Variants in BSN observed in about 807,000 individuals in gnomAD.
BSN encodes protein bassoon.
BSN carries 57 observed loss-of-function variants against 264.8 expected under a neutral mutation model. That is an observed-to-expected ratio of 0.22 (90% CI 0.17 to 0.27). The LOEUF (loss-of-function observed/expected upper bound fraction) is 0.27, where lower values mean the gene tolerates loss of function less well. Among genes scored for constraint, BSN ranks in the 10% least tolerant of loss-of-function variants. The pLI is 1.00. For missense variants in BSN, 4,615 were observed against 5,232.5 expected, an observed-to-expected ratio of 0.88 and a Z score of 3.64; for synonymous variants, 2,059 against 2,137.3, an observed-to-expected ratio of 0.96 and a Z score of 1.01.
intron 10 of BSN, 58 bp downstream of exon 10, chr3:49,664,911 TG>T: frequency 1.1e-5 from 5 of 444,308 alleles, no homozygotes; most frequent in African/African-American, 3.9e-5. Context: ...GCACTGGGGG[TG>T]GGGGTGGGGC....
Position 49,656,147 on chromosome 3 carries a change from T to A in BSN, c.6591T>A (p.Thr2197=). 6.2e-7 allele frequency: 1 copy of A among 1,613,072 alleles called. No individual in the cohort carries two copies. The highest frequency in any genetic ancestry group is 1.1e-5 in the South Asian group (1 of 91,068). The change falls in exon 5 of 12, where the codon ACT becomes ACA. Residue 2197 remains threonine (T), a synonymous_variant. Transcript: ENST00000296452. ...VRAADGMIYS[T]INTPIAATLP... Reference sequence around the variant, plus strand: ...CAGCTGATGGCATGATCTACTCGACTATCAATACCCCAATTGCTGCAACAC... The same window carrying A: ...CAGCTGATGGCATGATCTACTCGACAATCAATACCCCAATTGCTGCAACAC...
chr3:49,579,175 G>A (rs1027128362), intron 1 of BSN, among the ~76,000 whole-genome samples: 24 of 149,436 alleles, frequency 1.6e-4, no homozygotes, highest in Admixed American at 4.0e-4. Context: ...TTTTTTAAGT[G>A]ACAGAATCTT....
intron 1 of BSN, among the ~76,000 whole-genome samples, chr3:49,578,423 T>A (rs201785042): frequency 2.7e-5 from 4 of 146,412 alleles, no homozygotes; most frequent in Admixed American, 1.4e-4. Context: ...TTTTTTTTTT[T>A]ATAAGACGGA....
chr3:49,662,014 C>T lies in BSN; in HGVS notation c.10169C>T (p.Pro3390Leu), dbSNP rs199632264. 1.1e-5 allele frequency: 17 copies of T among 1,613,900 alleles called. No individual in the cohort carries two copies. The highest frequency in any genetic ancestry group is 1.6e-4 in the Middle Eastern group (1 of 6,062). ...GAGTCAGACCTGGCGTCCTACCCCCCACCTGCAGTCAGCAGCAGCCTGGTC... is the reference window on the plus strand; with the variant it reads ...GAGTCAGACCTGGCGTCCTACCCCCTACCTGCAGTCAGCAGCAGCCTGGTC... ...DVESDLASYPPPAVSSSLVSR... is the reference protein window; with the variant it reads ...DVESDLASYPLPAVSSSLVSR... The change falls in exon 6 of 12, where the codon CCA becomes CTA. Residue 3390 changes from proline to leucine, a missense_variant. Transcript: ENST00000296452.
chr3:49,652,904 G>A lies in BSN; in HGVS notation c.3348G>A (p.Glu1116=), dbSNP rs1168878347. The A allele has an allele frequency of 6.2e-7, 1 of 1,609,408 alleles. No homozygotes were observed. The change falls in exon 5 of 12, where the codon GAG becomes GAA. Residue 1116 remains glutamate (E), a synonymous_variant. Transcript: ENST00000296452. ...TEELRQAAEM[E]ELHRSSCSEY... ...AGCTGAGGCAGGCGGCCGAGATGGA[G>A]GAGCTACACCGCTCCTCCTGCTCTG...
intron 1 of BSN, among the ~76,000 whole-genome samples, chr3:49,605,438 TTATATATA>T (rs2052108393): frequency 3.7e-5 from 1 of 27,010 alleles, no homozygotes; most frequent in African/African-American, 1.7e-4. Context: ...ATAATATATA[TTATATATA>T]TTATATAATA....
chr3:49,614,217 G>A (rs748534488), intron 1 of BSN, among the ~76,000 whole-genome samples: 4 of 151,868 alleles, frequency 2.6e-5, no homozygotes, highest in African/African-American at 4.8e-5. Flanking sequence ...CCGCCACCAC[G>A]CCCAGCTAAT....
chr3:49,619,369 C>T (rs995372395), intron 1 of BSN, among the ~76,000 whole-genome samples: 13 of 152,162 alleles, frequency 8.5e-5, no homozygotes, highest in African/African-American at 2.7e-4. Flanking sequence ...AGCAGCTCTT[C>T]AGAAAAAATA....
In BSN at chr3:49,654,017, G is replaced by C. The variant is rs753981058; in HGVS notation, c.4461G>C (p.Glu1487Asp). 1.9e-6 allele frequency: 3 copies of C among 1,613,676 alleles called. No homozygotes were observed. Among genetic ancestry groups the C allele is most frequent in the Admixed American group, 3.3e-5 (2 of 59,992 alleles). Residue 1487 changes from glutamate (E) to aspartate (D), a missense_variant, in exon 5 of 12, where the codon GAG becomes GAC. Coordinates refer to ENST00000296452, the MANE Select transcript of BSN (RefSeq NM_003458.4). This position sits in a 1 kb window ranked among gnomAD's most constrained non-coding sequence, Gnocchi z 4.1. ...CTCTCTCCCCGTCTTCCCCCTCAGA[G>C]AGTCCCACATTCTCCCCTGGCAAGA... is the stretch of plus-strand genomic sequence containing the variant. Reference protein sequence around the residue: ...SPPLSPSSPSESPTFSPGKMG... With the variant: ...SPPLSPSSPSDSPTFSPGKMG...
intron 2 of BSN, among the ~76,000 whole-genome samples, chr3:49,636,992 G>C (rs779874514): frequency 6.6e-6 from 1 of 152,224 alleles, no homozygotes; most frequent in Non-Finnish European, 1.5e-5. Flanking sequence ...GCCCAGAAAG[G>C]CATATAGTCA....
Position 49,653,638 on chromosome 3 carries a change from C to T in BSN, c.4082C>T (p.Ala1361Val). The part of the protein sequence containing the change: ...QDPLKLHSSP[A>V]SPSSASKEIG... ...CCCCTCAAGCTGCACAGCTCTCCTG[C>T]CTCCCCCAGCTCAGCCTCCAAGGAG... is the stretch of plus-strand genomic sequence containing the variant. The change falls in exon 5 of 12, where the codon GCC becomes GTC. Residue 1361 changes from alanine (A) to valine (V), a missense_variant. This residue lies in a region of BSN where 3,415 missense variants were observed against 3,866.4 expected (regional missense o/e 0.88). Coordinates refer to ENST00000296452, the MANE Select transcript of BSN (RefSeq NM_003458.4). This position sits in a 1 kb window ranked among gnomAD's most constrained non-coding sequence, Gnocchi z 6.3. 1 of 1,613,798 alleles carries T rather than the reference C, an allele frequency of 6.2e-7. No homozygotes were observed. Among genetic ancestry groups the T allele is most frequent in the Non-Finnish European group, 8.5e-7 (1 of 1,179,992 alleles).
At chr3:49,558,559 T>C (rs2051691103) in intron 1 of BSN, among the ~76,000 whole-genome samples, 1 of 152,244 alleles carries the variant, frequency 6.6e-6, no homozygotes, top group Non-Finnish European at 1.5e-5. Context: ...TCAGACTTGT[T>C]ACATTATATC....
intron 3 of BSN, among the ~76,000 whole-genome samples, chr3:49,647,395 A>G (rs2052509468): frequency 6.6e-6 from 1 of 152,172 alleles, no homozygotes; most frequent in African/African-American, 2.4e-5. Context: ...TCCTTGGGGA[A>G]TTTGTATCTT....
Position 49,654,619 on chromosome 3 carries a change from C to T in BSN, c.5063C>T (p.Ser1688Phe). The change falls in exon 5 of 12, where the codon TCT becomes TTT. Residue 1688 changes from serine (S) to phenylalanine (F), a missense_variant. Physicochemically the swap from Ser to Phe is radical, Grantham distance 155. Around this residue, in one of 3 missense-constraint regions of BSN, gnomAD observed 3,415 missense variants for 3,866.4 expected, o/e 0.88. Coordinates refer to ENST00000296452, the MANE Select transcript of BSN (RefSeq NM_003458.4). The surrounding 1 kb of genome is among the most constrained non-coding windows in gnomAD (Gnocchi z 4.1). ...ACTGACCAGGGCATGGACCTCACCTCTCTTGCTGTGGAAGCGAGGAAGTAT... is the reference window on the plus strand; with the variant it reads ...ACTGACCAGGGCATGGACCTCACCTTTCTTGCTGTGGAAGCGAGGAAGTAT... ...ILTDQGMDLTSLAVEARKYGL... is the reference protein window; with the variant it reads ...ILTDQGMDLTFLAVEARKYGL... The T allele has an allele frequency of 5.0e-6, 8 of 1,614,048 alleles. No homozygotes were observed. The highest frequency in any genetic ancestry group is 6.8e-6 in the Non-Finnish European group (8 of 1,180,012).
At chr3:49,588,774 A>G (rs1260479200) in intron 1 of BSN, among the ~76,000 whole-genome samples, 5 of 152,154 alleles carry the variant, frequency 3.3e-5, no homozygotes, top group African/African-American at 1.2e-4. Context: ...ATTTAATTAT[A>G]TTGTGTTCAG....
chr3:49,609,859 C>A (rs2052190871), intron 1 of BSN, among the ~76,000 whole-genome samples: 1 of 152,190 alleles, frequency 6.6e-6, no homozygotes, highest in African/African-American at 2.4e-5. Context: ...CCCTTGCAGG[C>A]CCCGGGATTA....
At chr3:49,672,781 CT>C (rs757536435), downstream of BSN, among the ~76,000 whole-genome samples, 572 of 106,988 alleles carry the variant, frequency 5.3e-3, 2 homozygotes, top group East Asian at 9.8e-3. Flanking sequence ...GCGCCTGGCA[CT>C]TTTTTTTTTT....
intron 1 of BSN, among the ~76,000 whole-genome samples, chr3:49,587,644 T>G (rs1264975474): frequency 6.6e-6 from 1 of 152,178 alleles, no homozygotes; most frequent in Non-Finnish European, 1.5e-5. Context: ...TAAATAGTCT[T>G]TAGATGTTTC....
chr3:49,636,523 G>A (rs1298370692), intron 2 of BSN, among the ~76,000 whole-genome samples: 1 of 152,164 alleles, frequency 6.6e-6, no homozygotes, highest in African/African-American at 2.4e-5. Context: ...TGAGGGCAGA[G>A]AGACAGATGT....
Sources: allele counts gnomAD v4.1 joint callset (sites outside exome capture counted in the v4.1 genomes callset), GRCh38; gene constraint gnomAD v4.1.1; regional missense constraint gnomAD v4.1.1; non-coding constraint Gnocchi (gnomAD v3.1); transcripts MANE v1.5; gene names NCBI Gene and HGNC (gene_info 2026-07-23, HGNC 2026-07-21).